Variants in DGKB observed in about 807,000 individuals in gnomAD.
The protein encoded by DGKB is 90 kDa diacylglycerol kinase.
DGKB carries 67 observed loss-of-function variants against 114.3 expected under a neutral mutation model. The ratio of observed to expected loss-of-function variants is 0.59; its 90% CI spans 0.48 to 0.72. The LOEUF is 0.72. Among genes scored for constraint, DGKB ranks in the 30% least tolerant of loss-of-function variants. The pLI is 0.00. For synonymous variants in DGKB, 398 were observed against 323.1 expected (o/e 1.23, Z -2.49); for missense variants, 907 against 975.2 (o/e 0.93, Z 0.93).
intron 21 of DGKB, among the ~76,000 whole-genome samples, chr7:14,365,086 A>G (rs1031452130): frequency 6.6e-6 from 1 of 151,930 alleles, no homozygotes; most frequent in Admixed American, 6.6e-5. Flanking sequence ...TAGATAGTCA[A>G]CATCTTGGGG....
chr7:14,322,812 G>C (rs1422351520), intron 23 of DGKB, among the ~76,000 whole-genome samples: 1 of 151,974 alleles, frequency 6.6e-6, no homozygotes, highest in South Asian at 2.1e-4. Context: ...CAAATGATCT[G>C]GTCACATAAA....
rs557663073 is a variant in DGKB at position 14,897,721 on chromosome 7, A to G, written c.-188+4871T>C. Among the ~76,000 whole-genome samples the G allele has an allele frequency of 2.4e-4, 36 of 152,124 alleles. No individual in the cohort carries two copies. In the South Asian group the frequency reaches 7.5e-3, roughly 32 times the overall value. On this transcript the variant is annotated intron_variant, in intron 1 of 25. Transcript: ENST00000402815. ...TATGTAACACCACAGAAGGTAATAA[A>G]TGTGTTCTGAGTAATTTTATACTAA...
At chr7:14,576,966 C>T (rs1257140819) in intron 19 of DGKB, among the ~76,000 whole-genome samples, 2 of 152,128 alleles carry the variant, frequency 1.3e-5, no homozygotes, top group East Asian at 3.9e-4. Context: ...CTGTAGTCCC[C>T]CATTTAACAA....
chr7:14,862,133 T>C (rs923273456), intron 1 of DGKB, among the ~76,000 whole-genome samples: 5 of 151,676 alleles, frequency 3.3e-5, no homozygotes, highest in African/African-American at 1.2e-4. Context: ...TTATTTTCTT[T>C]CCCCCCCAGC....
intron 23 of DGKB, among the ~76,000 whole-genome samples, chr7:14,254,261 A>G (rs1416872969): frequency 6.6e-6 from 1 of 152,208 alleles, no homozygotes. Flanking sequence ...TATTTTTATC[A>G]TGCTTTCTTC....
At chr7:14,846,287 A>T (rs572595860) in intron 1 of DGKB, among the ~76,000 whole-genome samples, 1 of 152,272 alleles carries the variant, frequency 6.6e-6, no homozygotes, top group African/African-American at 2.4e-5. Flanking sequence ...TTCTAGTGTA[A>T]GCCATTGGTT....
chr7:14,225,571 C>T (rs979508817), intron 23 of DGKB, among the ~76,000 whole-genome samples: 2 of 151,760 alleles, frequency 1.3e-5, no homozygotes, highest in African/African-American at 4.8e-5. Context: ...AATGTTTGTC[C>T]TTTTTTTATA....
At chr7:14,160,920 C>G (rs532238275) in intron 25 of DGKB, among the ~76,000 whole-genome samples, 1 of 152,194 alleles carries the variant, frequency 6.6e-6, no homozygotes, top group Admixed American at 6.5e-5. Context: ...GGTACCAAAA[C>G]AGATATATAG....
chr7:14,814,425 G>T (rs759730543), intron 2 of DGKB, among the ~76,000 whole-genome samples: 3 of 152,042 alleles, frequency 2.0e-5, no homozygotes, highest in Non-Finnish European at 4.4e-5. Context: ...CTCCCTTCTT[G>T]CTGTATGAAA....
intron 21 of DGKB, among the ~76,000 whole-genome samples, chr7:14,450,485 C>T (rs1831324837): frequency 6.6e-6 from 1 of 152,010 alleles, no homozygotes; most frequent in Admixed American, 6.6e-5. Context: ...GGGCAAAGCC[C>T]TACAGTGGCT....
upstream of DGKB, among the ~76,000 whole-genome samples, chr7:14,905,724 A>C (rs895428506): frequency 6.6e-6 from 1 of 152,200 alleles, no homozygotes; most frequent in African/African-American, 2.4e-5. Flanking sequence ...TGCAAACTGT[A>C]CAACAGCAAA....
intron 2 of DGKB, among the ~76,000 whole-genome samples, chr7:14,833,169 C>T (rs1846655805): frequency 6.6e-6 from 1 of 152,042 alleles, no homozygotes; most frequent in African/African-American, 2.4e-5. Flanking sequence ...ATGCCTTAAC[C>T]TTCATGGAAC....
At chr7:14,409,981 T>C (rs1373305491) in intron 21 of DGKB, among the ~76,000 whole-genome samples, 1 of 152,112 alleles carries the variant, frequency 6.6e-6, no homozygotes, top group African/African-American at 2.4e-5. Flanking sequence ...GTAAGGCTTC[T>C]ACTTAACAAC....
At chr7:14,370,747 A>G (rs575058678) in intron 21 of DGKB, among the ~76,000 whole-genome samples, 1 of 152,212 alleles carries the variant, frequency 6.6e-6, no homozygotes, top group South Asian at 2.1e-4. Flanking sequence ...CTGAAGTTTG[A>G]GATAAAAATG....
intron 13 of DGKB, among the ~76,000 whole-genome samples, chr7:14,648,418 A>G (rs1189896823): frequency 1.3e-5 from 2 of 152,126 alleles, no homozygotes; most frequent in African/African-American, 4.8e-5. Context: ...ACTCCAACAG[A>G]CCTGCAGCTG....
intron 5 of DGKB, among the ~76,000 whole-genome samples, chr7:14,723,768 T>C (rs1267677774): frequency 6.6e-6 from 1 of 152,156 alleles, no homozygotes; most frequent in Admixed American, 6.5e-5. Flanking sequence ...CACATACACA[T>C]TCTTTTCTTC....
intron 23 of DGKB, among the ~76,000 whole-genome samples, chr7:14,316,123 C>A (rs2128519308): frequency 6.6e-6 from 1 of 151,670 alleles, no homozygotes; most frequent in Non-Finnish European, 1.5e-5. Context: ...CTCTGGGATG[C>A]ATTCAAAGCA....
At chr7:14,228,275 G>T (rs1584579061) in intron 23 of DGKB, among the ~76,000 whole-genome samples, 2 of 152,022 alleles carry the variant, frequency 1.3e-5, no homozygotes, top group East Asian at 3.9e-4. Flanking sequence ...GAAATAAGAG[G>T]CTGACAACAG....
chr7:14,505,483 A>C (rs866808603), intron 20 of DGKB, among the ~76,000 whole-genome samples: 1 of 151,928 alleles, frequency 6.6e-6, no homozygotes, highest in Non-Finnish European at 1.5e-5. Context: ...AGAAAAAATA[A>C]ATTCAAACTT....
Sources: gnomAD v4.1 joint callset for allele counts (sites outside exome capture counted in the v4.1 genomes callset) on GRCh38, gnomAD v4.1.1 for gene constraint, MANE v1.5 for transcripts, NCBI Gene and HGNC (gene_info 2026-07-23, HGNC 2026-07-21) for gene names.